The following RBFOX1 variants were observed in gnomAD, a reference collection of about 807,000 sequenced individuals.
The protein encoded by RBFOX1 is RNA binding protein fox-1 homolog 1.
A neutral mutation model predicts 57.7 loss-of-function variants in RBFOX1; 8 were observed. The ratio of observed to expected loss-of-function variants is 0.14; its 90% CI spans 0.08 to 0.25. The LOEUF is 0.25. Ranked by LOEUF, RBFOX1 falls within the 10% of genes least tolerant of loss-of-function variation. The pLI is 1.00. For missense variants in RBFOX1, 611 were observed against 548.5 expected (o/e 1.11, Z -1.14); for synonymous variants, 326 against 222.4 (o/e 1.47, Z -4.15).
chr16:6,900,676 A>T (rs2068247896), intron 3 of RBFOX1, among the ~76,000 whole-genome samples: 1 of 152,094 alleles, frequency 6.6e-6, no homozygotes, highest in East Asian at 1.9e-4. Flanking sequence ...CAACATCACT[A>T]TTCATTCTTC....
chr16:5,358,227 C>T (rs1293886897), intron 1 of RBFOX1, among the ~76,000 whole-genome samples: 7 of 151,928 alleles, frequency 4.6e-5, no homozygotes, highest in Admixed American at 3.9e-4. Flanking sequence ...AGGCCTTCTC[C>T]CTGTGTGAGT....
intron 2 of RBFOX1, among the ~76,000 whole-genome samples, chr16:5,498,102 A>C (rs1190065914): frequency 6.6e-6 from 1 of 152,168 alleles, no homozygotes; most frequent in South Asian, 2.1e-4. Context: ...CCTGGAGGTC[A>C]CTGAAGGTCT....
chr16:7,156,818 C>G (rs962320722), intron 4 of RBFOX1, among the ~76,000 whole-genome samples: 4 of 152,150 alleles, frequency 2.6e-5, no homozygotes, highest in African/African-American at 9.7e-5. Context: ...TGTACATGCA[C>G]AATTATAGGA....
At chr16:7,306,265 G>C (rs1603616949) in intron 4 of RBFOX1, among the ~76,000 whole-genome samples, 1 of 152,134 alleles carries the variant, frequency 6.6e-6, no homozygotes, top group East Asian at 1.9e-4. Context: ...GTGACTTTGA[G>C]TGAGAGGTTA....
intron 4 of RBFOX1, among the ~76,000 whole-genome samples, chr16:7,491,589 A>T (rs1407775156): frequency 6.6e-6 from 1 of 151,584 alleles, no homozygotes. Flanking sequence ...TCTCTAAATT[A>T]TTTGCTTTAT....
intron 4 of RBFOX1, among the ~76,000 whole-genome samples, chr16:7,203,740 T>G (rs2089264863): frequency 6.6e-6 from 1 of 152,204 alleles, no homozygotes; most frequent in Non-Finnish European, 1.5e-5. Context: ...TGCAAATATC[T>G]GCTTGGTTAG....
chr16:7,136,294 T>G (rs969764410), intron 4 of RBFOX1, among the ~76,000 whole-genome samples: 5 of 152,180 alleles, frequency 3.3e-5, no homozygotes, highest in African/African-American at 1.2e-4. Context: ...ACAGTTCAGT[T>G]TGTCTCATAT....
intron 7 of RBFOX1, among the ~76,000 whole-genome samples, chr16:7,591,206 G>A (rs2094428300): frequency 6.6e-6 from 1 of 152,154 alleles, no homozygotes; most frequent in Non-Finnish European, 1.5e-5. Flanking sequence ...GAAGTTGCAT[G>A]TGCAAAGATC....
chr16:6,936,586 C>G (rs183807879), intron 3 of RBFOX1, among the ~76,000 whole-genome samples: 33 of 152,138 alleles, frequency 2.2e-4, no homozygotes, highest in Admixed American at 2.0e-3. Flanking sequence ...CCTGTATATG[C>G]CAGCCTAAGC....
chr16:7,147,752 C>G (rs1466990282), intron 4 of RBFOX1, among the ~76,000 whole-genome samples: 1 of 152,072 alleles, frequency 6.6e-6, no homozygotes, highest in Admixed American at 6.6e-5. Context: ...CATGTCTTTG[C>G]TATGGTGAAT....
chr16:5,421,315 C>T (rs564388137), intron 1 of RBFOX1, among the ~76,000 whole-genome samples: 6 of 152,290 alleles, frequency 3.9e-5, no homozygotes, highest in Admixed American at 3.3e-4. Context: ...CTATCATCCA[C>T]CTTCTTCTTA....
intron 2 of RBFOX1, among the ~76,000 whole-genome samples, chr16:6,653,536 T>G (rs1329652535): frequency 1.3e-5 from 2 of 152,128 alleles, no homozygotes; most frequent in Admixed American, 1.3e-4. Context: ...TGTTTCACCT[T>G]TTCGTACCAG....
chr16:7,618,803 C>G (rs2058861373), intron 10 of RBFOX1, among the ~76,000 whole-genome samples: 3 of 152,164 alleles, frequency 2.0e-5, no homozygotes, highest in Admixed American at 6.5e-5. Flanking sequence ...TGACAAATGG[C>G]AAAACCCTAC....
chr16:6,483,190 G>A (rs1004959095), intron 2 of RBFOX1: 1 of 1,167,506 alleles, frequency 8.6e-7, no homozygotes, highest in African/African-American at 1.6e-5. Context: ...TTTTGGCGCG[G>A]ACAGAGGCCG....
chr16:6,702,029 C>T (rs968057886), intron 3 of RBFOX1, among the ~76,000 whole-genome samples: 4 of 152,116 alleles, frequency 2.6e-5, no homozygotes, highest in African/African-American at 9.7e-5. Context: ...ATAATCTGTA[C>T]ACCATACCCT....
At chr16:5,702,654 C>T (rs1440911682) in intron 3 of RBFOX1, among the ~76,000 whole-genome samples, 2 of 152,170 alleles carry the variant, frequency 1.3e-5, no homozygotes, top group East Asian at 3.9e-4. Flanking sequence ...TCTATAACCT[C>T]AATGAATGTT....
At chr16:7,465,936 C>T (rs910878789) in intron 4 of RBFOX1, among the ~76,000 whole-genome samples, 5 of 152,204 alleles carry the variant, frequency 3.3e-5, no homozygotes, top group Non-Finnish European at 7.3e-5. Flanking sequence ...AATTTTGTTG[C>T]TTAAAAGAAT....
intron 2 of RBFOX1, among the ~76,000 whole-genome samples, chr16:6,395,671 T>C (rs1382800816): frequency 1.3e-5 from 2 of 152,204 alleles, no homozygotes; most frequent in Non-Finnish European, 2.9e-5. Flanking sequence ...CTTGTGTATA[T>C]ATCAAGTTTA....
intron 4 of RBFOX1, among the ~76,000 whole-genome samples, chr16:7,319,159 C>G (rs1318444805): frequency 6.6e-6 from 1 of 152,146 alleles, no homozygotes; most frequent in East Asian, 1.9e-4. Context: ...AAGCATTCAT[C>G]TTTGAGGCCA....
Sources: allele counts gnomAD v4.1 joint callset (sites outside exome capture counted in the v4.1 genomes callset), GRCh38; gene constraint gnomAD v4.1.1; transcripts MANE v1.5; gene names NCBI Gene and HGNC (gene_info 2026-07-23, HGNC 2026-07-21).